TMEM132D: variants seen among roughly 807,000 people sequenced by gnomAD.
TMEM132D encodes transmembrane protein 132D, also known as mature OL transmembrane protein.
In TMEM132D, 21 loss-of-function variants were observed where a neutral mutation model predicts 62.3. The ratio of observed to expected loss-of-function variants is 0.34; its 90% CI spans 0.24 to 0.49. The LOEUF (loss-of-function observed/expected upper bound fraction) is 0.49, where lower values mean the gene tolerates loss of function less well. TMEM132D is among the 20% of genes least tolerant of loss of function. The pLI, the probability that TMEM132D is intolerant of heterozygous loss-of-function variation, is 0.99. For synonymous variants in TMEM132D, 621 were observed against 575.6 expected, an observed-to-expected ratio of 1.08 and a Z score of -1.13; for missense variants, 1,346 against 1,402.8, an observed-to-expected ratio of 0.96 and a Z score of 0.65.
chr12:129,353,734 C>T (rs1173453283), intron 3 of TMEM132D, among the ~76,000 whole-genome samples: 1 of 152,168 alleles, frequency 6.6e-6, no homozygotes, highest in Non-Finnish European at 1.5e-5. Context: ...TTGTGTTTAG[C>T]ACGGGTAAAC....
intron 2 of TMEM132D, among the ~76,000 whole-genome samples, chr12:129,545,062 C>T (rs10744425): frequency 0.56 from 84,475 of 152,048 alleles, 24,025 homozygotes; most frequent in African/African-American, 0.68. Flanking sequence ...CAATGATCAG[C>T]TTTCTTCTTT....
intron 2 of TMEM132D, among the ~76,000 whole-genome samples, chr12:129,543,529 T>G (rs1369460270): frequency 6.6e-6 from 1 of 152,208 alleles, no homozygotes; most frequent in Non-Finnish European, 1.5e-5. Flanking sequence ...CATCAGAGCT[T>G]AGCCTGGCCT....
intron 1 of TMEM132D, among the ~76,000 whole-genome samples, chr12:129,719,608 G>A (rs1376712043): frequency 6.6e-6 from 1 of 152,194 alleles, no homozygotes; most frequent in African/African-American, 2.4e-5. Context: ...TTCCCATATG[G>A]AAAACTCTTC....
At chr12:129,538,619 A>G (rs1876478726) in intron 2 of TMEM132D, among the ~76,000 whole-genome samples, 1 of 143,068 alleles carries the variant, frequency 7.0e-6, no homozygotes, top group Admixed American at 6.9e-5. Flanking sequence ...GAGATTAACA[A>G]TAATAACTAA....
chr12:129,572,247 A>G (rs1877533513), intron 2 of TMEM132D, among the ~76,000 whole-genome samples: 1 of 152,204 alleles, frequency 6.6e-6, no homozygotes, highest in Admixed American at 6.5e-5. Context: ...GTGAAGCTTC[A>G]TGCTGTGCAC....
rs745321970 is a variant in TMEM132D at position 129,398,841 on chromosome 12, TCCATC to T, written c.1116-61029_1116-61025del. The stretch of plus-strand genomic sequence containing the variant: ...GCATATCTATTTATGTATTCATCCA[TCCATC>T]CATCCATCCATCCATCCATCCATCC... On this transcript the variant is annotated intron_variant, in intron 3 of 8. Coordinates refer to ENST00000422113, the MANE Select transcript of TMEM132D (RefSeq NM_133448.3). 9.1e-4 allele frequency among the ~76,000 whole-genome samples: 114 copies of T among 124,994 alleles called. No individual in the cohort carries two copies. The Middle Eastern group carries it at 0.01, about 11-fold the overall frequency. 82.0% of individuals were successfully genotyped at this position (124,994 alleles called of 152,430 possible).
intron 1 of TMEM132D, among the ~76,000 whole-genome samples, chr12:129,809,499 G>T (rs1010711023): frequency 6.6e-6 from 1 of 151,916 alleles, no homozygotes; most frequent in Admixed American, 6.6e-5. Context: ...GTCTGGGCTG[G>T]AAGGTAACCT....
chr12:129,153,196 A>G (rs1314189905), intron 5 of TMEM132D, among the ~76,000 whole-genome samples: 1 of 151,860 alleles, frequency 6.6e-6, no homozygotes, highest in Non-Finnish European at 1.5e-5. Flanking sequence ...TGCTCCACAC[A>G]CCTATTTTGT....
chr12:129,778,197 AAC>A (rs1871007461), intron 1 of TMEM132D, among the ~76,000 whole-genome samples: 1 of 152,052 alleles, frequency 6.6e-6, no homozygotes. Context: ...AGAAAAAAAA[AAC>A]ACAAATATTT....
intron 3 of TMEM132D, among the ~76,000 whole-genome samples, chr12:129,437,289 T>C (rs994876848): frequency 1.3e-5 from 2 of 152,110 alleles, no homozygotes; most frequent in East Asian, 1.9e-4. Context: ...CTCCCCACCA[T>C]CCTGGAGCCC....
At chr12:129,130,295 G>T (rs1359618029) in intron 5 of TMEM132D, among the ~76,000 whole-genome samples, 1 of 150,102 alleles carries the variant, frequency 6.7e-6, no homozygotes, top group East Asian at 2.0e-4. Flanking sequence ...AGATAGAGAG[G>T]TTCAGCCTCC....
At chr12:129,125,066 A>G (rs1013837873) in intron 5 of TMEM132D, among the ~76,000 whole-genome samples, 5 of 151,998 alleles carry the variant, frequency 3.3e-5, no homozygotes, top group African/African-American at 1.2e-4. Context: ...TGGAGGGGGG[A>G]TGTCTGGCTT....
chr12:129,608,787 G>A (rs981857459), intron 2 of TMEM132D, among the ~76,000 whole-genome samples: 5 of 152,062 alleles, frequency 3.3e-5, no homozygotes, highest in African/African-American at 1.2e-4. Context: ...ACCTCCTCCT[G>A]ATTTGGCTGC....
chr12:129,815,024 A>G (rs1441545435), intron 1 of TMEM132D, among the ~76,000 whole-genome samples: 1 of 152,186 alleles, frequency 6.6e-6, no homozygotes, highest in African/African-American at 2.4e-5. Flanking sequence ...TCTGTGGTCA[A>G]TCTCCCTCAT....
chr12:129,167,475 C>T (rs1488165505), intron 5 of TMEM132D, among the ~76,000 whole-genome samples: 1 of 152,140 alleles, frequency 6.6e-6, no homozygotes, highest in Admixed American at 6.5e-5. Context: ...GACAAGGTTG[C>T]TTTTACACCT....
At chr12:129,482,943 ATCTGTGTGTGTGTG>A (rs1566084230) in intron 3 of TMEM132D, among the ~76,000 whole-genome samples, 1 of 95,092 alleles carries the variant, frequency 1.1e-5, no homozygotes, top group African/African-American at 4.2e-5. Context: ...AACATATTTA[ATCTGTGTGTGTGTG>A]TGTGTGTGTG....
intron 1 of TMEM132D, among the ~76,000 whole-genome samples, chr12:129,766,051 ATTCTGGGTGGAAAGTTAAACAT>A (rs772918152): frequency 2.4e-4 from 37 of 152,146 alleles, no homozygotes; most frequent in Non-Finnish European, 5.0e-4. Context: ...GCCCTGTGTG[ATTCTGGGTGGAAAGTTAAACAT>A]TTCTGCACAA....
At position 129,700,067 on chromosome 12, in the gene TMEM132D, C is replaced by T. The variant is rs140064887; in HGVS notation, c.711G>A (p.Gly237=). 13,661 of 1,613,748 alleles carry T rather than the reference C, an allele frequency of 8.5e-3. 69 individuals carry two copies. Among genetic ancestry groups the T allele is most frequent in the Non-Finnish European group, 0.01 (11,995 of 1,180,028 alleles). The change falls in exon 2 of 9, where the codon GGG becomes GGA. Residue 237 remains glycine, a synonymous_variant. Coordinates refer to ENST00000422113, the MANE Select transcript of TMEM132D (RefSeq NM_133448.3). The part of the protein sequence containing the change: ...YYTVHPGGER[G]DCVREDARRS... ...TCCTCGCGTCTTCCCTGACGCAGTC[C>T]CCTCTCTCACCCCCTGGGTGCACGG...
chr12:129,873,123 GC>G (rs1183297334), intron 1 of TMEM132D, among the ~76,000 whole-genome samples: 1 of 152,116 alleles, frequency 6.6e-6, no homozygotes, highest in African/African-American at 2.4e-5. Context: ...AAATTCTTGC[GC>G]CCCAATTATT....
Sources: gnomAD v4.1 joint callset for allele counts (sites outside exome capture counted in the v4.1 genomes callset) on GRCh38, gnomAD v4.1.1 for gene constraint, MANE v1.5 for transcripts, NCBI Gene and HGNC (gene_info 2026-07-23, HGNC 2026-07-21) for gene names.